Variants in SMC1A observed in about 807,000 individuals in gnomAD.
SMC1A encodes structural maintenance of chromosomes 1A, also known as structural maintenance of chromosomes protein 1A.
SMC1A carries 4 observed loss-of-function variants against 94.5 expected under a neutral mutation model. The observed-to-expected ratio is 0.04, with a 90% CI of 0.02 to 0.10. The LOEUF (loss-of-function observed/expected upper bound fraction) is 0.10, where lower values mean the gene tolerates loss of function less well. Ranked by LOEUF, SMC1A falls within the 10% of genes least tolerant of loss-of-function variation. The pLI is 1.00. For synonymous variants in SMC1A, 345 were observed against 347.7 expected, an observed-to-expected ratio of 0.99 and a Z score of 0.09; for missense variants, 304 against 989.0, an observed-to-expected ratio of 0.31 and a Z score of 9.29.
intron 19 of SMC1A, 47 bp downstream of exon 19, chrX:53,394,731 T>TACCCCCCCC: frequency 2.4e-6 from 1 of 416,235 alleles, no homozygotes; most frequent in Non-Finnish European, 4.4e-6. Flanking sequence ...ATAGTCCCAC[T>TACCCCCCCC]CCCACCCAAC....
At chrX:53,385,891 C>T (rs1473514721) in intron 19 of SMC1A, among the ~76,000 whole-genome samples, 1 of 111,507 alleles carries the variant, frequency 9.0e-6, no homozygotes, top group African/African-American at 3.3e-5. Context: ...TGTTGGGGAA[C>T]AAGATATTCA....
At chrX:53,400,429 C>T (rs1234823376) in intron 15 of SMC1A, among the ~76,000 whole-genome samples, 1 of 111,748 alleles carries the variant, frequency 8.9e-6, no homozygotes, top group African/African-American at 3.3e-5. Context: ...GTACCTACCT[C>T]AGGGTTATTG....
intron 1 of SMC1A, among the ~76,000 whole-genome samples, chrX:53,418,925 C>T (rs1161181338): frequency 1.9e-5 from 2 of 107,978 alleles, no homozygotes; most frequent in Admixed American, 2.0e-4. Flanking sequence ...CCTATAATCC[C>T]AGCTACTCGG....
Position 53,396,582 on chromosome X carries a change from G to C in SMC1A, c.2598C>G (p.Thr866=), listed in dbSNP as rs781991944. 1 of 1,206,858 alleles carries C rather than the reference G, an allele frequency of 8.3e-7. No homozygotes were observed. The highest frequency in any genetic ancestry group is 1.1e-6 in the Non-Finnish European group (1 of 893,812). The part of the protein sequence containing the change: ...EQRHMKIIDE[T]MAQLQDLKNQ... ...TCTTCAGGTCTTGTAGCTGAGCCAT[G>C]GTCTCATCTATGATCTTCATGTGTC... Residue 866 remains threonine (T), a synonymous_variant, in exon 17 of 25, where the codon ACC becomes ACG. Transcript: ENST00000322213.
At chrX:53,389,430 CTAATTATTAAGAAATT>C (rs2075618445) in intron 19 of SMC1A, among the ~76,000 whole-genome samples, 1 of 111,385 alleles carries the variant, frequency 9.0e-6, no homozygotes, top group African/African-American at 3.3e-5. Context: ...ATGTGTAACA[CTAATTATTAAGAAATT>C]ACTGCCAAGC....
chrX:53,411,550 A>C (rs1322746218), intron 7 of SMC1A, among the ~76,000 whole-genome samples: 1 of 111,307 alleles, frequency 9.0e-6, no homozygotes, highest in East Asian at 2.8e-4. Flanking sequence ...AGATCACATC[A>C]CTGCACTCCA....
At chrX:53,422,146 G>A (rs1236206149) in intron 1 of SMC1A, 1 of 914,163 alleles carries the variant, frequency 1.1e-6, no homozygotes, top group East Asian at 3.2e-5. Flanking sequence ...GGCTCCGGCC[G>A]GTCCGGCGGG....
intron 16 of SMC1A, among the ~76,000 whole-genome samples, chrX:53,398,876 G>A (rs1422062869): frequency 3.6e-5 from 4 of 111,411 alleles, no homozygotes; most frequent in Non-Finnish European, 7.5e-5. Flanking sequence ...ATCTCCTCAG[G>A]TACTACTGAG....
chrX:53,417,359 C>A (rs1347690440), intron 1 of SMC1A, among the ~76,000 whole-genome samples: 1 of 108,272 alleles, frequency 9.2e-6, no homozygotes, highest in Non-Finnish European at 1.9e-5. Context: ...CCAGACCAGC[C>A]TGACTAACAT....
In SMC1A at chrX:53,397,489, G is replaced by A. The variant is rs984853490; in HGVS notation, c.2563-872C>T. On this transcript the variant is annotated intron_variant, in intron 16 of 24. Coordinates refer to ENST00000322213, the MANE Select transcript of SMC1A (RefSeq NM_006306.4). The stretch of plus-strand genomic sequence containing the variant: ...CCAGCTACTTGAGAGGTTGAGGCGG[G>A]AGGATCATTTGAGCCTGGGAGGCGG... 3.6e-5 allele frequency among the ~76,000 whole-genome samples: 4 copies of A among 111,549 alleles called. No individual in the cohort carries two copies. The Admixed American group carries it at 3.8e-4, about 11-fold the overall frequency.
In SMC1A at chrX:53,412,127, C is replaced by G; in HGVS notation, c.981G>C (p.Lys327Asn). The G allele has an allele frequency of 8.3e-7, 1 of 1,211,651 alleles. No homozygotes were observed. The highest frequency in any genetic ancestry group is 1.1e-6 in the Non-Finnish European group (1 of 895,406). The change falls in exon 6 of 25, where the codon AAG (lysine) becomes AAC (asparagine). Residue 327 changes from lysine to asparagine, a missense_variant. Transcript: ENST00000322213. ...KSLQNAQKHY[K>N]KRKGDMDELE... ...GCTCATCCATGTCACCTTTACGCTTCTTGTAGTGCTTCTGAGCATTCTGCA... is the reference window on the plus strand; with the variant it reads ...GCTCATCCATGTCACCTTTACGCTTGTTGTAGTGCTTCTGAGCATTCTGCA...
At chrX:53,414,327 T>C (rs1272034824) in intron 3 of SMC1A, among the ~76,000 whole-genome samples, 1 of 111,078 alleles carries the variant, frequency 9.0e-6, no homozygotes, top group Non-Finnish European at 1.9e-5. Flanking sequence ...CCTAAGGCAA[T>C]AGTTCTCAAA....
chrX:53,397,075 A>T (rs782472539), intron 16 of SMC1A, among the ~76,000 whole-genome samples: 273 of 106,641 alleles, frequency 2.6e-3, no homozygotes, highest in African/African-American at 9.0e-3. Context: ...TTTTTTTTTT[A>T]AACCCACACA....
rs1254835093 is a variant in SMC1A at position 53,396,485 on chromosome X, C to T, written c.2695G>A (p.Gly899Arg). The change falls in exon 17 of 25, where the codon GGG becomes AGG. Residue 899 changes from glycine (G) to arginine (R), a missense_variant. Gly to Arg is a moderately radical substitution (Grantham distance 125). Around this residue, in one of 11 missense-constraint regions of SMC1A, gnomAD observed 35 missense variants for 95.4 expected, o/e 0.37. Transcript: ENST00000322213. ...GAACCCACTCACTTGTTGGCGCCCC[C>T]GAGTTTCTTACGAATCTCCTCCATC... is the stretch of plus-strand genomic sequence containing the variant. ...HEMEEIRKKL[G>R]GANKEMTHLQ... 8.3e-7 allele frequency: 1 copy of T among 1,211,363 alleles called. No individual in the cohort carries two copies. Among genetic ancestry groups the T allele is most frequent in the Non-Finnish European group, 1.1e-6 (1 of 895,470 alleles).
chrX:53,422,663 C>A (rs1026058160), upstream of SMC1A: 24 of 766,749 alleles, frequency 3.1e-5, no homozygotes, highest in Non-Finnish European at 4.8e-5. Flanking sequence ...CTGAGGTAGC[C>A]CGCGCGGGAA....
intron 19 of SMC1A, among the ~76,000 whole-genome samples, chrX:53,390,256 G>A (rs1302361720): frequency 9.3e-6 from 1 of 108,041 alleles, no homozygotes; most frequent in Non-Finnish European, 1.9e-5. Context: ...GGGAGGCCAA[G>A]GCGGGCGGAT....
intron 20 of SMC1A, 84 bp from the exon 21 acceptor site, chrX:53,382,744 TGA>T (rs1163883378): frequency 1.4e-5 from 15 of 1,097,614 alleles, no homozygotes; most frequent in Admixed American, 2.3e-5. Flanking sequence ...AACATCCCAC[TGA>T]GAGAGAGGAA....
chrX:53,381,640 G>A (rs1556885909), intron 22 of SMC1A: 2 of 140,826 alleles, frequency 1.4e-5, no homozygotes, highest in African/African-American at 3.1e-5. Context: ...ATGCTCACCC[G>A]GTTACAACAC....
chrX:53,389,842 CTTTTTTTTTTT>C (rs1193457348), intron 19 of SMC1A, among the ~76,000 whole-genome samples: 11 of 55,089 alleles, frequency 2.0e-4, no homozygotes, highest in Admixed American at 7.7e-4. Context: ...TCCAGAATTT[CTTTTTTTTTTT>C]TTTTTTTTTT....
Sources: gnomAD v4.1 joint callset for allele counts (sites outside exome capture counted in the v4.1 genomes callset) on GRCh38, gnomAD v4.1.1 for gene constraint, gnomAD v4.1.1 regional missense constraint, MANE v1.5 for transcripts, NCBI Gene and HGNC (gene_info 2026-07-23, HGNC 2026-07-21) for gene names.